Variants in TMEM132B observed in about 807,000 individuals in gnomAD.
TMEM132B encodes transmembrane protein 132B.
A neutral mutation model predicts 90.8 loss-of-function variants in TMEM132B; 18 were observed. The ratio of observed to expected loss-of-function variants is 0.20; its 90% CI spans 0.14 to 0.29. TMEM132B has a LOEUF of 0.29. Ranked by LOEUF, TMEM132B falls within the 10% of genes least tolerant of loss-of-function variation. The pLI is 1.00. For missense variants in TMEM132B, 1,096 were observed against 1,326.8 expected, an observed-to-expected ratio of 0.83 and a Z score of 2.70; for synonymous variants, 504 against 523.3, an observed-to-expected ratio of 0.96 and a Z score of 0.50.
intron 1 of TMEM132B, among the ~76,000 whole-genome samples, chr12:125,345,235 G>T (rs1377601921): frequency 6.6e-6 from 1 of 152,174 alleles, no homozygotes; most frequent in South Asian, 2.1e-4. Flanking sequence ...AGGAGACTCA[G>T]CCTCAGAAAT....
At chr12:125,465,198 C>G (rs1881532676) in intron 3 of TMEM132B, among the ~76,000 whole-genome samples, 1 of 152,170 alleles carries the variant, frequency 6.6e-6, no homozygotes. Flanking sequence ...CCTGAATTTA[C>G]TCTGTAAAAT....
At chr12:125,304,395 T>G (rs1042203849) in intron 1 of TMEM132B, among the ~76,000 whole-genome samples, 33 of 152,162 alleles carry the variant, frequency 2.2e-4, no homozygotes, top group African/African-American at 7.2e-4. Context: ...TTGGTTGCTT[T>G]TATTTTTTTG....
At position 125,346,621 on chromosome 12, in the gene TMEM132B, C is replaced by T. The variant is rs1457055552; in HGVS notation, c.68-2831C>T. Among the ~76,000 whole-genome samples the T allele has an allele frequency of 2.0e-5, 3 of 152,158 alleles. No homozygotes were observed. In the East Asian group the frequency reaches 5.8e-4, roughly 29 times the overall value. On this transcript the variant is annotated intron_variant, in intron 1 of 8. Transcript: ENST00000682704. ...TCTGGAGAGGTGCTTCTGCATTGCTCGACATTGTCAAAATACAGATTGCCC... is the reference window on the plus strand; with the variant it reads ...TCTGGAGAGGTGCTTCTGCATTGCTTGACATTGTCAAAATACAGATTGCCC...
chr12:125,193,550 C>T (rs7132026), intron 1 of TMEM132B, among the ~76,000 whole-genome samples: 36,029 of 152,114 alleles, frequency 0.24, 4,949 homozygotes, highest in East Asian at 0.47. Flanking sequence ...AGTGACTGTG[C>T]GATCCAGGAA....
intron 2 of TMEM132B, among the ~76,000 whole-genome samples, chr12:125,390,247 A>G (rs1878970080): frequency 6.6e-6 from 1 of 152,278 alleles, no homozygotes; most frequent in South Asian, 2.1e-4. Flanking sequence ...AGTGTCCATC[A>G]ACAGTGGAAT....
chr12:125,288,843 T>C (rs1593070598), intron 1 of TMEM132B, among the ~76,000 whole-genome samples: 1 of 152,098 alleles, frequency 6.6e-6, no homozygotes, highest in East Asian at 1.9e-4. Flanking sequence ...GAACTTTTGT[T>C]TTAGGGGTAT....
intron 1 of TMEM132B, among the ~76,000 whole-genome samples, chr12:125,212,732 C>T (rs1346956537): frequency 6.6e-6 from 1 of 152,136 alleles, no homozygotes; most frequent in African/African-American, 2.4e-5. Flanking sequence ...GATCCTCCCA[C>T]CTCGATCTCC....
In TMEM132B at chr12:125,653,554, A is replaced by G. The variant is rs1271947524; in HGVS notation, c.2107-11A>G. On this transcript the variant is annotated splice_polypyrimidine_tract_variant and intron_variant, in intron 8 of 8. Coordinates refer to ENST00000682704, the MANE Select transcript of TMEM132B (RefSeq NM_001366854.1). ...GATTATAACATAATGCTTTGGTTTC[A>G]TTTTCCTCAGGAAGCAATAGTAAGT... 1 of 1,594,376 alleles carries G rather than the reference A, an allele frequency of 6.3e-7. No homozygotes were observed. Among genetic ancestry groups the G allele is most frequent in the African/African-American group, 1.3e-5 (1 of 74,462 alleles).
At chr12:125,336,675 G>T (rs974805219) in intron 1 of TMEM132B, among the ~76,000 whole-genome samples, 3 of 152,206 alleles carry the variant, frequency 2.0e-5, no homozygotes, top group African/African-American at 7.2e-5. Context: ...TCACGCCACT[G>T]GGTTACCTCA....
chr12:125,431,228 AG>A (rs1335087176), intron 3 of TMEM132B, among the ~76,000 whole-genome samples: 2 of 152,140 alleles, frequency 1.3e-5, no homozygotes, highest in African/African-American at 4.8e-5. Flanking sequence ...CTGGGAGCCC[AG>A]GTGAGGGCTA....
chr12:125,393,151 G>C (rs1879075509), intron 2 of TMEM132B, among the ~76,000 whole-genome samples: 1 of 152,196 alleles, frequency 6.6e-6, no homozygotes, highest in Non-Finnish European at 1.5e-5. Context: ...CAGTTTGTTG[G>C]TTTCTTTCTG....
In TMEM132B at chr12:125,477,681, TTC is replaced by T. The variant is rs1881923740; in HGVS notation, c.1107-41757_1107-41756del. On this transcript the variant is annotated intron_variant, in intron 3 of 8. Coordinates refer to ENST00000682704, the MANE Select transcript of TMEM132B (RefSeq NM_001366854.1). ...TGGGTATTTTGGATTTTTAATTTGC[TTC>T]CTTTTAAAGTGTAGATAGAAAAAGT... 1.4e-4 allele frequency among the ~76,000 whole-genome samples: 21 copies of T among 152,346 alleles called. 1 individual carries two copies. In the South Asian group the frequency reaches 3.9e-3, roughly 29 times the overall value.
At chr12:125,596,553 A>G (rs185648085) in intron 5 of TMEM132B, among the ~76,000 whole-genome samples, 1 of 152,296 alleles carries the variant, frequency 6.6e-6, no homozygotes, top group East Asian at 1.9e-4. Context: ...TCCTCCTTGC[A>G]ATGTTGGATT....
Position 125,193,305 on chromosome 12 carries a change from T to G in TMEM132B, c.67+6439T>G, listed in dbSNP as rs564561512. On this transcript the variant is annotated intron_variant, in intron 1 of 8. Transcript: ENST00000682704. ...ATAAGTCAATCCATGAATGGCAAGG[T>G]AGGGTCTCCTCCCCAGAGCTCATGA... is the stretch of plus-strand genomic sequence containing the variant. Among the ~76,000 whole-genome samples, 3 of 152,220 alleles carry G rather than the reference T, an allele frequency of 2.0e-5. No homozygotes were observed. The South Asian group carries it at 6.2e-4, about 32-fold the overall frequency.
At chr12:125,252,490 G>T (rs528389044) in intron 1 of TMEM132B, among the ~76,000 whole-genome samples, 6 of 152,232 alleles carry the variant, frequency 3.9e-5, no homozygotes, top group African/African-American at 1.4e-4. Flanking sequence ...GGTGTCGTGC[G>T]CTGGTCCAAT....
chr12:125,201,568 CA>C (rs1873061686), intron 1 of TMEM132B, among the ~76,000 whole-genome samples: 1 of 152,242 alleles, frequency 6.6e-6, no homozygotes, highest in Non-Finnish European at 1.5e-5. Flanking sequence ...AACTGAAGTA[CA>C]TCACTGAAAT....
intron 1 of TMEM132B, among the ~76,000 whole-genome samples, chr12:125,283,542 G>T (rs1875259888): frequency 6.6e-6 from 1 of 152,128 alleles, no homozygotes; most frequent in Non-Finnish European, 1.5e-5. Context: ...AAGTAATCTG[G>T]CCCGGGAAAC....
At chr12:125,483,574 T>A (rs557443812) in intron 3 of TMEM132B, among the ~76,000 whole-genome samples, 19 of 152,332 alleles carry the variant, frequency 1.2e-4, no homozygotes, top group African/African-American at 4.1e-4. Flanking sequence ...TGGGGTGAAC[T>A]TTTTGTCTTC....
At chr12:125,393,894 A>C (rs1879098561) in intron 2 of TMEM132B, among the ~76,000 whole-genome samples, 1 of 152,184 alleles carries the variant, frequency 6.6e-6, no homozygotes, top group African/African-American at 2.4e-5. Flanking sequence ...CTCACTGTCT[A>C]ATCTCCTACT....
Sources: allele counts gnomAD v4.1 joint callset (sites outside exome capture counted in the v4.1 genomes callset), GRCh38; gene constraint gnomAD v4.1.1; transcripts MANE v1.5; gene names NCBI Gene and HGNC (gene_info 2026-07-23, HGNC 2026-07-21).